PCSK5: variants seen among roughly 807,000 people sequenced by gnomAD.
The protein encoded by PCSK5 is prohormone convertase 5.
In PCSK5, 129 loss-of-function variants were observed where a neutral mutation model predicts 233.2. The observed-to-expected ratio is 0.55, with a 90% CI of 0.48 to 0.64. The LOEUF is 0.64. Ranked by LOEUF, PCSK5 falls within the 30% of genes least tolerant of loss-of-function variation. PCSK5 has a pLI of 0.00. For synonymous variants in PCSK5, 825 were observed against 879.2 expected (o/e 0.94, Z 1.09); for missense variants, 2,076 against 2,430.1 (o/e 0.85, Z 3.06).
chr9:76,198,793 T>G (rs778874096), intron 20 of PCSK5, among the ~76,000 whole-genome samples: 5 of 152,200 alleles, frequency 3.3e-5, no homozygotes, highest in Admixed American at 6.5e-5. Context: ...AACAGACACT[T>G]AGACATAAAA....
chr9:76,201,887 C>T (rs1280591678), intron 20 of PCSK5, among the ~76,000 whole-genome samples: 2 of 152,106 alleles, frequency 1.3e-5, no homozygotes, highest in Non-Finnish European at 2.9e-5. Flanking sequence ...TTATTGGGAA[C>T]ATTAGAAGAA....
At chr9:76,343,871 T>G (rs1303640706) in intron 35 of PCSK5, among the ~76,000 whole-genome samples, 1 of 152,146 alleles carries the variant, frequency 6.6e-6, no homozygotes, top group African/African-American at 2.4e-5. Context: ...TTAATTTGTG[T>G]AATTGTACTT....
At chr9:76,316,541 T>C (rs957708222) in intron 30 of PCSK5, among the ~76,000 whole-genome samples, 3 of 149,976 alleles carry the variant, frequency 2.0e-5, no homozygotes, top group Admixed American at 6.7e-5. Flanking sequence ...TTGGGTAACA[T>C]AGTAAGACCC....
In PCSK5 at chr9:75,987,906, AAG is replaced by A. The variant is rs148626692; in HGVS notation, c.411+1664_411+1665del. On this transcript the variant is annotated intron_variant, in intron 3 of 37. Transcript: ENST00000674117. ...ACCCTTTTTGCTTGTTCTCATAGGA[AAG>A]AGCCAAATTGCTGTCTATGCATGAT... 5.8e-3 allele frequency among the ~76,000 whole-genome samples: 876 copies of A among 152,306 alleles called. 7 individuals carry two copies. The highest frequency in any genetic ancestry group is 0.024 in the Middle Eastern group (7 of 294).
chr9:76,020,573 A>G (rs947592982), intron 3 of PCSK5, among the ~76,000 whole-genome samples: 1 of 152,168 alleles, frequency 6.6e-6, no homozygotes, highest in Non-Finnish European at 1.5e-5. Flanking sequence ...CATCAGTTGG[A>G]TATTTCTTCT....
At chr9:76,190,276 T>G (rs986742096) in intron 20 of PCSK5, among the ~76,000 whole-genome samples, 3 of 152,018 alleles carry the variant, frequency 2.0e-5, no homozygotes, top group Non-Finnish European at 4.4e-5. Flanking sequence ...CAAAGTAGTT[T>G]TACTGCCCTG....
chr9:75,969,671 C>T (rs561461822), intron 2 of PCSK5, among the ~76,000 whole-genome samples: 104 of 152,178 alleles, frequency 6.8e-4, no homozygotes, highest in African/African-American at 2.4e-3. Context: ...GCTTGGTTCA[C>T]GAACGCGTTA....
At chr9:76,154,840 T>G (rs1384212201) in intron 10 of PCSK5, among the ~76,000 whole-genome samples, 1 of 152,150 alleles carries the variant, frequency 6.6e-6, no homozygotes, top group Non-Finnish European at 1.5e-5. Context: ...TTACAAAAGA[T>G]CTCCACAGTT....
intron 24 of PCSK5, among the ~76,000 whole-genome samples, chr9:76,261,944 T>C (rs1827186751): frequency 1.3e-5 from 2 of 152,220 alleles, no homozygotes; most frequent in Non-Finnish European, 2.9e-5. Context: ...AATCATGTCA[T>C]CTGCAAACAG....
chr9:76,171,356 CAA>C (rs1184633392), intron 13 of PCSK5, among the ~76,000 whole-genome samples: 5 of 152,172 alleles, frequency 3.3e-5, no homozygotes, highest in African/African-American at 1.2e-4. Context: ...TCTTACAGGA[CAA>C]GAGACCCCGG....
intron 9 of PCSK5, among the ~76,000 whole-genome samples, chr9:76,131,815 CT>C (rs1203431811): frequency 6.6e-6 from 1 of 151,980 alleles, no homozygotes; most frequent in Non-Finnish European, 1.5e-5. Flanking sequence ...GACTTCTTTT[CT>C]TTTTTTCTCC....
chr9:76,266,990 A>G (rs1163244825), intron 24 of PCSK5, among the ~76,000 whole-genome samples: 1 of 152,204 alleles, frequency 6.6e-6, no homozygotes, highest in African/African-American at 2.4e-5. Flanking sequence ...AGGTGCTAAT[A>G]AGGAAAAATG....
intron 7 of PCSK5, among the ~76,000 whole-genome samples, chr9:76,088,193 G>T (rs1831142167): frequency 6.6e-6 from 1 of 152,210 alleles, no homozygotes; most frequent in African/African-American, 2.4e-5. Flanking sequence ...ACCAGTAGCA[G>T]GGCCAGGAAC....
chr9:76,036,537 G>A lies in PCSK5; in HGVS notation c.632+9500G>A, dbSNP rs371300426. 1.4e-3 allele frequency among the ~76,000 whole-genome samples: 213 copies of A among 152,192 alleles called. 7 individuals carry two copies. In the South Asian group the frequency reaches 0.036, roughly 26 times the overall value. On this transcript the variant is annotated intron_variant, in intron 5 of 37. Coordinates refer to ENST00000674117, the MANE Select transcript of PCSK5 (RefSeq NM_001372043.1). The stretch of plus-strand genomic sequence containing the variant: ...TTCTTCTCAGAACCTTCCTCACCAC[G>A]TCAGTTTCTCCATGTTCCTGTTTCA...
intron 1 of PCSK5, among the ~76,000 whole-genome samples, chr9:75,915,329 T>TCTA (rs1439771128): frequency 6.6e-6 from 1 of 152,190 alleles, no homozygotes; most frequent in Non-Finnish European, 1.5e-5. Flanking sequence ...TGTTTATGGG[T>TCTA]CTGTAGAACT....
chr9:76,088,932 T>A (rs1414754887), intron 7 of PCSK5, among the ~76,000 whole-genome samples: 1 of 15,398 alleles, frequency 6.5e-5, no homozygotes, highest in East Asian at 2.2e-3. Flanking sequence ...GTTTTTTAAT[T>A]TTTTTTTTTT....
intron 24 of PCSK5, among the ~76,000 whole-genome samples, chr9:76,278,526 CTT>C (rs915489977): frequency 8.0e-5 from 12 of 149,154 alleles, no homozygotes; most frequent in Non-Finnish European, 1.5e-4. Context: ...AGGACCTGAG[CTT>C]TTTTTTTTCC....
chr9:76,054,185 G>A (rs182021558), intron 5 of PCSK5, among the ~76,000 whole-genome samples: 15 of 152,252 alleles, frequency 9.9e-5, no homozygotes, highest in East Asian at 1.9e-4. Context: ...TGGTCCCTCC[G>A]AGGATGCATG....
chr9:76,280,069 A>G (rs944369609), intron 24 of PCSK5, among the ~76,000 whole-genome samples: 3 of 152,092 alleles, frequency 2.0e-5, no homozygotes, highest in African/African-American at 7.2e-5. Context: ...CACTCCTCCA[A>G]TAGCACATCC....
Sources: allele counts gnomAD v4.1 joint callset (sites outside exome capture counted in the v4.1 genomes callset), GRCh38; gene constraint gnomAD v4.1.1; transcripts MANE v1.5; gene names NCBI Gene and HGNC (gene_info 2026-07-23, HGNC 2026-07-21).